Variants in PRKCH observed in about 807,000 individuals in gnomAD.
PRKCH encodes the protein protein kinase C eta, also known as protein kinase C eta type.
PRKCH carries 28 observed loss-of-function variants against 82.5 expected under a neutral mutation model. That is an observed-to-expected ratio of 0.34 (90% CI 0.25 to 0.47). The LOEUF is 0.47. Ranked by LOEUF, PRKCH falls within the 20% of genes least tolerant of loss-of-function variation. The pLI is 1.00. For missense variants in PRKCH, 705 were observed against 881.8 expected (o/e 0.80, Z 2.54); for synonymous variants, 322 against 327.4 (o/e 0.98, Z 0.18).
chr14:61,534,745 T>TA (rs1263835312), intron 12 of PRKCH, among the ~76,000 whole-genome samples: 6 of 152,166 alleles, frequency 3.9e-5, no homozygotes, highest in Non-Finnish European at 8.8e-5. Flanking sequence ...GGACTTTACA[T>TA]GTTAGAATGG....
chr14:61,207,706 C>A (rs1349970736), intron 1 of PRKCH, among the ~76,000 whole-genome samples: 1 of 152,176 alleles, frequency 6.6e-6, no homozygotes, highest in Non-Finnish European at 1.5e-5. Flanking sequence ...CATGCATCAA[C>A]ATGATCTAAC....
At chr14:61,314,886 C>A (rs2045550052) in intron 1 of PRKCH, among the ~76,000 whole-genome samples, 1 of 152,168 alleles carries the variant, frequency 6.6e-6, no homozygotes, top group African/African-American at 2.4e-5. Flanking sequence ...GCCACCCCGC[C>A]CTGACTTTGT....
intron 1 of PRKCH, among the ~76,000 whole-genome samples, chr14:61,388,075 G>T (rs1594650024): frequency 6.6e-6 from 1 of 150,770 alleles, no homozygotes; most frequent in South Asian, 2.1e-4. Flanking sequence ...TTGAACCCAG[G>T]AGGCAGAGAT....
intron 10 of PRKCH, among the ~76,000 whole-genome samples, chr14:61,508,869 T>A (rs1308438672): frequency 6.6e-6 from 1 of 152,170 alleles, no homozygotes; most frequent in Non-Finnish European, 1.5e-5. Flanking sequence ...ATGAGGACAC[T>A]GTTTTACTCA....
intron 2 of PRKCH, among the ~76,000 whole-genome samples, chr14:61,414,181 C>T (rs1487129076): frequency 2.6e-5 from 4 of 152,140 alleles, no homozygotes; most frequent in Admixed American, 2.0e-4. Flanking sequence ...CTCTCCACTC[C>T]TCCGTCTATA....
intron 10 of PRKCH, among the ~76,000 whole-genome samples, chr14:61,514,113 A>G (rs533315045): frequency 1.3e-5 from 2 of 152,162 alleles, no homozygotes; most frequent in East Asian, 1.9e-4. Context: ...CTCTGAAGAA[A>G]GGGAAGAATC....
intron 1 of PRKCH, among the ~76,000 whole-genome samples, chr14:61,308,520 T>C (rs573581439): frequency 2.6e-5 from 4 of 152,350 alleles, no homozygotes; most frequent in African/African-American, 7.2e-5. Context: ...CATGAGCTTA[T>C]CATCTGCCTT....
intron 2 of PRKCH, among the ~76,000 whole-genome samples, chr14:61,405,781 G>A (rs767576289): frequency 1.3e-5 from 2 of 150,958 alleles, no homozygotes; most frequent in Non-Finnish European, 2.9e-5. Context: ...TAAGTAGGTT[G>A]GAGCTCAGTC....
At chr14:61,486,260 C>A (rs1886214882) in intron 10 of PRKCH, among the ~76,000 whole-genome samples, 1 of 140,576 alleles carries the variant, frequency 7.1e-6, no homozygotes, top group Admixed American at 7.7e-5. Flanking sequence ...TACACCTTAA[C>A]TAAAGGGTGT....
chr14:61,530,608 TA>T lies in PRKCH; in HGVS notation c.1761+14del. On this transcript the variant is annotated intron_variant, in intron 12 of 13. Transcript: ENST00000332981. ...GATCCTAAAATCTGTAAGTTTGGCT[TA>T]CCCAGCTAGCTTCTGATGTATTGCA... 1 of 1,581,216 alleles carries T rather than the reference TA, an allele frequency of 6.3e-7. No individual in the cohort carries two copies. Among genetic ancestry groups the T allele is most frequent in the South Asian group, 1.2e-5 (1 of 85,322 alleles).
intron 9 of PRKCH, among the ~76,000 whole-genome samples, chr14:61,468,906 A>G (rs796133873): frequency 2.6e-5 from 4 of 152,232 alleles, no homozygotes; most frequent in African/African-American, 9.6e-5. Context: ...GTTTTCCTGG[A>G]CCCAACTTGG....
chr14:61,192,025 T>G (rs1269123623), intron 1 of PRKCH, among the ~76,000 whole-genome samples: 1 of 141,706 alleles, frequency 7.1e-6, no homozygotes, highest in African/African-American at 3.1e-5. Flanking sequence ...ACATTGTGTG[T>G]GTGTGTGTGT....
At chr14:61,275,722 C>G (rs945497394) in intron 1 of PRKCH, among the ~76,000 whole-genome samples, 12 of 152,118 alleles carry the variant, frequency 7.9e-5, no homozygotes, top group African/African-American at 2.9e-4. Flanking sequence ...TTCTAGGTAT[C>G]CTGCTCCTCC....
chr14:61,250,388 T>C (rs1165168907), intron 1 of PRKCH, among the ~76,000 whole-genome samples: 2 of 152,034 alleles, frequency 1.3e-5, no homozygotes. Context: ...ATTCCGACAA[T>C]AGAATATTAT....
chr14:61,468,660 A>T (rs904985298), intron 9 of PRKCH, among the ~76,000 whole-genome samples: 2 of 148,850 alleles, frequency 1.3e-5, no homozygotes, highest in African/African-American at 5.2e-5. Flanking sequence ...TGACAAAAGG[A>T]TTTGAAATAG....
At chr14:61,206,656 G>A (rs1490651011) in intron 1 of PRKCH, among the ~76,000 whole-genome samples, 2 of 152,130 alleles carry the variant, frequency 1.3e-5, no homozygotes, top group African/African-American at 2.4e-5. Context: ...CCAATTAGAA[G>A]CAAGAGGGCA....
rs367733371 is a variant in PRKCH, at chr14:61,280,116, G to T, written c.-19+92448G>T. ...ATCACTCCTCGTCGTCGTCGTCCTG[G>T]TCCTGGTAGCGAATGTAGACGACCA... On this transcript the variant is annotated intron_variant, in intron 1 of 3. Coordinates refer to the PRKCH transcript ENST00000555185. The surrounding 1 kb of genome is among the most constrained non-coding windows in gnomAD (Gnocchi z 5.0). 59 of 1,613,244 alleles carry T rather than the reference G, an allele frequency of 3.7e-5. No homozygotes were observed. Among genetic ancestry groups the T allele is most frequent in the Non-Finnish European group, 5.0e-5 (59 of 1,179,620 alleles).
At chr14:61,236,774 G>A (rs1175104634) in intron 1 of PRKCH, among the ~76,000 whole-genome samples, 9 of 150,500 alleles carry the variant, frequency 6.0e-5, no homozygotes, top group Non-Finnish European at 1.3e-4. Context: ...AACCAAGATG[G>A]CCACAAGAGT....
At chr14:61,191,463 A>G (rs1244443771) in intron 1 of PRKCH, among the ~76,000 whole-genome samples, 4 of 152,186 alleles carry the variant, frequency 2.6e-5, no homozygotes, top group Non-Finnish European at 4.4e-5. Flanking sequence ...ACTTGAGGCC[A>G]GGGGTTGGAG....
Sources: allele counts gnomAD v4.1 joint callset (sites outside exome capture counted in the v4.1 genomes callset), GRCh38; gene constraint gnomAD v4.1.1; non-coding constraint Gnocchi (gnomAD v3.1); transcripts MANE v1.5; gene names NCBI Gene and HGNC (gene_info 2026-07-23, HGNC 2026-07-21).